Variants in CBX5 observed in about 807,000 individuals in gnomAD.
CBX5 encodes the protein chromobox protein homolog 5.
CBX5 carries 7 observed loss-of-function variants against 20.7 expected under a neutral mutation model. The ratio of observed to expected loss-of-function variants is 0.34; its 90% confidence interval spans 0.19 to 0.63. The LOEUF is 0.63. CBX5 is among the 30% of genes least tolerant of loss of function. CBX5 has a pLI of 0.75. For missense variants in CBX5, 110 were observed against 224.1 expected, an observed-to-expected ratio of 0.49 and a Z score of 3.25; for synonymous variants, 78 against 77.0, an observed-to-expected ratio of 1.01 and a Z score of -0.07.
At chr12:54,242,704 G>C (rs1179132543) in intron 4 of CBX5, among the ~76,000 whole-genome samples, 1 of 151,856 alleles carries the variant, frequency 6.6e-6, no homozygotes, top group Admixed American at 6.6e-5. Flanking sequence ...GGAACAACGA[G>C]CAAATAAAAA....
At chr12:54,249,688 A>G (rs1184322271) in intron 3 of CBX5, among the ~76,000 whole-genome samples, 6 of 152,156 alleles carry the variant, frequency 3.9e-5, no homozygotes, top group Admixed American at 2.6e-4. Context: ...AGGAGGTGGT[A>G]GAGTGTGTGT....
In CBX5 at chr12:54,261,068, G is replaced by T. The variant is rs534679371; in HGVS notation, c.-42-3376C>A. ...TAGCCAGACATAGTAGCACTTGCCTGTAATCCCAGCTACTTGGGAGGCTAA... is the reference window on the plus strand; with the variant it reads ...TAGCCAGACATAGTAGCACTTGCCTTTAATCCCAGCTACTTGGGAGGCTAA... On this transcript the variant is annotated intron_variant, in intron 1 of 4. Transcript: ENST00000209875. 4.8e-4 allele frequency among the ~76,000 whole-genome samples: 73 copies of T among 151,676 alleles called. No homozygotes were observed. In the South Asian group the frequency reaches 0.015, roughly 31 times the overall value.
At chr12:54,249,538 T>C (rs1444187035) in intron 3 of CBX5, among the ~76,000 whole-genome samples, 2 of 151,942 alleles carry the variant, frequency 1.3e-5, no homozygotes, top group South Asian at 2.1e-4. Context: ...ATAGGGATGA[T>C]TGTGGCAGCT....
At chr12:54,276,294 A>C (rs764845309) in intron 1 of CBX5, among the ~76,000 whole-genome samples, 5 of 152,202 alleles carry the variant, frequency 3.3e-5, no homozygotes, top group Non-Finnish European at 7.3e-5. Context: ...TCCTACACCT[A>C]ATCTACTGAA....
chr12:54,269,136 T>C (rs1247347424), intron 1 of CBX5, among the ~76,000 whole-genome samples: 1 of 152,058 alleles, frequency 6.6e-6, no homozygotes, highest in Non-Finnish European at 1.5e-5. Flanking sequence ...GGCACGTGCC[T>C]GTAGTCCCAG....
intron 3 of CBX5, among the ~76,000 whole-genome samples, chr12:54,247,237 C>G (rs914184521): frequency 2.2e-5 from 3 of 136,174 alleles, no homozygotes; most frequent in African/African-American, 9.0e-5. Context: ...AAAACAAAAA[C>G]AAACAAAAAA....
At chr12:54,248,405 C>T (rs750704477) in intron 3 of CBX5, among the ~76,000 whole-genome samples, 1 of 152,194 alleles carries the variant, frequency 6.6e-6, no homozygotes, top group African/African-American at 2.4e-5. Context: ...CTCTACTGCC[C>T]GATTTTCATA....
chr12:54,275,708 T>A (rs1848006100), intron 1 of CBX5, among the ~76,000 whole-genome samples: 1 of 151,858 alleles, frequency 6.6e-6, no homozygotes, highest in Non-Finnish European at 1.5e-5. Flanking sequence ...TCATATCTAT[T>A]AACTACCACA....
chr12:54,277,628 G>C (rs1025574370), intron 1 of CBX5, among the ~76,000 whole-genome samples: 1 of 152,090 alleles, frequency 6.6e-6, no homozygotes, highest in Non-Finnish European at 1.5e-5. Context: ...ATGAGCCACC[G>C]GCGCCAGACC....
rs1943563271 is a variant in CBX5, at chr12:54,231,003, G to A, written c.*10752C>T. 6.6e-6 allele frequency: 1 copy of A among 152,168 alleles called. No homozygotes were observed. The allele number at this position is 152,168 out of a possible 1,614,324, so 9.4% of individuals were successfully genotyped here. On this transcript the variant is annotated 3_prime_UTR_variant, in exon 5 of 5. Transcript: ENST00000209875. ...AAGAGTATGAAAAGGGGGAAAAGAG[G>A]AGGGTAGAAGAGGGGGAGAGAATGA...
At chr12:54,275,053 T>A (rs1592165653) in intron 1 of CBX5, among the ~76,000 whole-genome samples, 1 of 152,130 alleles carries the variant, frequency 6.6e-6, no homozygotes, top group Non-Finnish European at 1.5e-5. Flanking sequence ...GCTCTGAGAA[T>A]CTCCAGAATT....
rs1253913641 is a variant in CBX5 at position 54,234,521 on chromosome 12, TA to T, written c.*7233del. 6.6e-6 allele frequency: 1 copy of T among 152,250 alleles called. No individual in the cohort carries two copies. Among genetic ancestry groups the T allele is most frequent in the African/African-American group, 2.4e-5 (1 of 41,468 alleles). The allele number at this position is 152,250 out of a possible 1,614,324, so 9.4% of individuals were successfully genotyped here. A position where few individuals can be genotyped will look rare whatever the true frequency, so the allele number is the denominator to read the frequency against. ...AAAGTTCACTGCATTCAATTTGGCC[TA>T]ATTTCTTGATAATAGTTTCCTATTA... On this transcript the variant is annotated 3_prime_UTR_variant, in exon 5 of 5. Transcript: ENST00000209875.
At chr12:54,272,032 G>A (rs1005426604) in intron 1 of CBX5, 4 of 152,152 alleles carry the variant, frequency 2.6e-5, no homozygotes, top group Admixed American at 2.0e-4. Flanking sequence ...CAGATTTAGG[G>A]ATGAGAAACG....
intron 1 of CBX5, chr12:54,274,203 G>C (rs1322837395): frequency 6.6e-6 from 1 of 152,216 alleles, no homozygotes; most frequent in Non-Finnish European, 1.5e-5. Context: ...GTGTAAAGCT[G>C]TCATCAGAAA....
intron 2 of CBX5, among the ~76,000 whole-genome samples, chr12:54,253,993 C>T (rs1237367073): frequency 6.6e-6 from 1 of 152,030 alleles, no homozygotes; most frequent in African/African-American, 2.4e-5. Context: ...TCAAGTGATC[C>T]GCCTGCTTCG....
chr12:54,234,226 A>T lies in CBX5; in HGVS notation c.*7529T>A, dbSNP rs1943597245. On this transcript the variant is annotated 3_prime_UTR_variant, in exon 5 of 5. Coordinates refer to ENST00000209875, the MANE Select transcript of CBX5 (RefSeq NM_012117.3). ...AAAAAAGGTTCAATATGGATACTCT[A>T]GGTACAGGAACCATTCCAAGACCTA... 1 of 146,162 alleles carries T rather than the reference A, an allele frequency of 6.8e-6. No individual in the cohort carries two copies. Among genetic ancestry groups the T allele is most frequent in the African/African-American group, 2.5e-5 (1 of 40,112 alleles). The allele number at this position is 146,162 out of a possible 1,614,324, so 9.1% of individuals were successfully genotyped here.
chr12:54,270,831 C>G (rs1182898450), intron 1 of CBX5, among the ~76,000 whole-genome samples: 1 of 152,094 alleles, frequency 6.6e-6, no homozygotes, highest in African/African-American at 2.4e-5. Flanking sequence ...ATGAGAGGAT[C>G]ACTTGAGCCC....
intron 1 of CBX5, among the ~76,000 whole-genome samples, chr12:54,277,876 C>T (rs1477899383): frequency 6.6e-6 from 1 of 152,128 alleles, no homozygotes; most frequent in African/African-American, 2.4e-5. Context: ...TGTTGTGCTG[C>T]CCAGACTGGA....
At position 54,237,123 on chromosome 12, in the gene CBX5, A is replaced by C. The variant is rs1478334001; in HGVS notation, c.*4632T>G. ...GACTTTTAATTGTTAGAAGCACCAC[A>C]GGTCCAAATGCTCCCCAGAGTGGAC... On this transcript the variant is annotated 3_prime_UTR_variant, in exon 5 of 5. Coordinates refer to ENST00000209875, the MANE Select transcript of CBX5 (RefSeq NM_012117.3). The C allele has an allele frequency of 6.6e-6, 1 of 152,202 alleles. No homozygotes were observed. The highest frequency in any genetic ancestry group is 2.4e-5 in the African/African-American group (1 of 41,436). 9.4% of individuals were successfully genotyped at this position (152,202 alleles called of 1,614,324 possible). A position where few individuals can be genotyped will look rare whatever the true frequency, so the allele number is the denominator to read the frequency against.
Sources: gnomAD v4.1 joint callset for allele counts (sites outside exome capture counted in the v4.1 genomes callset) on GRCh38, gnomAD v4.1.1 for gene constraint, MANE v1.5 for transcripts, NCBI Gene and HGNC (gene_info 2026-07-23, HGNC 2026-07-21) for gene names.